CD109: variants seen among roughly 807,000 people sequenced by gnomAD.
The protein encoded by CD109 is CD109 molecule.
Under a neutral mutation model 165.8 loss-of-function variants are expected in CD109, and 149 were observed. That is an observed-to-expected ratio of 0.90 (90% CI 0.79 to 1.03). The LOEUF (loss-of-function observed/expected upper bound fraction) is 1.03. Ranked by LOEUF, CD109 falls within the 50% of genes least tolerant of loss-of-function variation. CD109 has a pLI of 0.00. For missense variants in CD109, 1,712 were observed against 1,677.8 expected, an observed-to-expected ratio of 1.02 and a Z score of -0.36; for synonymous variants, 585 against 592.1, an observed-to-expected ratio of 0.99 and a Z score of 0.18.
intron 5 of CD109, among the ~76,000 whole-genome samples, chr6:73,754,212 T>G (rs1773299737): frequency 6.6e-6 from 1 of 152,120 alleles, no homozygotes; most frequent in South Asian, 2.1e-4. Flanking sequence ...CAATCTGGGA[T>G]AGAGATAAGG....
the CD109 span, among the ~76,000 whole-genome samples, chr6:73,688,159 T>TA: frequency 6.7e-6 from 1 of 149,794 alleles, no homozygotes; most frequent in Non-Finnish European, 1.5e-5. Flanking sequence ...TTTTGTCTGG[T>TA]AGATTTTTTT....
chr6:73,726,115 G>C (rs1772132788), intron 3 of CD109, among the ~76,000 whole-genome samples: 1 of 151,124 alleles, frequency 6.6e-6, no homozygotes, highest in African/African-American at 2.4e-5. Flanking sequence ...CCTGTGAATA[G>C]AACCACCTTT....
the CD109 span, among the ~76,000 whole-genome samples, chr6:73,687,671 A>G: frequency 1.3e-5 from 2 of 152,168 alleles, no homozygotes; most frequent in Admixed American, 1.3e-4. Flanking sequence ...TCCTCTAACC[A>G]AAAGGTGGAG....
chr6:73,815,825 C>A (rs1375396298), intron 30 of CD109, among the ~76,000 whole-genome samples: 1 of 152,180 alleles, frequency 6.6e-6, no homozygotes, highest in East Asian at 1.9e-4. Context: ...TGTGAAAGTT[C>A]TTGAATAGAG....
chr6:73,819,539 C>G (rs531559490), intron 31 of CD109, among the ~76,000 whole-genome samples: 1 of 152,246 alleles, frequency 6.6e-6, no homozygotes, highest in African/African-American at 2.4e-5. Flanking sequence ...TTCAGTTTTG[C>G]TAAGTATGAA....
chr6:73,825,492 C>T lies in CD109; in HGVS notation c.*1859C>T, dbSNP rs759641230. On this transcript the variant is annotated 3_prime_UTR_variant, in exon 33 of 33. Coordinates refer to ENST00000287097, the MANE Select transcript of CD109 (RefSeq NM_133493.5). Reference sequence around the variant, plus strand: ...CCCTCCTCTTTCCTGGCCTGGGAACCTTATACTGACAATCAATACTTTATA... The same window carrying T: ...CCCTCCTCTTTCCTGGCCTGGGAACTTTATACTGACAATCAATACTTTATA... 1.3e-5 allele frequency: 2 copies of T among 152,120 alleles called. No individual in the cohort carries two copies. Among genetic ancestry groups the T allele is most frequent in the Non-Finnish European group, 2.9e-5 (2 of 68,032 alleles). 9.4% of individuals were successfully genotyped at this position (152,120 alleles called of 1,614,324 possible).
chr6:73,811,298 T>A, intron 28 of CD109, 151 bp downstream of exon 28: 1 of 909,616 alleles, frequency 1.1e-6, no homozygotes, highest in Non-Finnish European at 1.6e-6. Context: ...TTTGGCTGAA[T>A]TTGCTGAGCT....
intron 14 of CD109, 61 bp from the exon 15 acceptor site, chr6:73,771,368 A>T (rs1443709222): frequency 2.8e-6 from 4 of 1,418,740 alleles, no homozygotes; most frequent in Non-Finnish European, 3.9e-6. Flanking sequence ...GTGGTCTGCT[A>T]TTGGCAAGAA....
intron 4 of CD109, among the ~76,000 whole-genome samples, chr6:73,734,325 A>C (rs2150184416): frequency 6.6e-6 from 1 of 152,294 alleles, no homozygotes; most frequent in African/African-American, 2.4e-5. Flanking sequence ...TCACTACCAT[A>C]ATGTTTCAGT....
At chr6:73,723,667 C>A (rs1438233981) in intron 3 of CD109, among the ~76,000 whole-genome samples, 1 of 152,114 alleles carries the variant, frequency 6.6e-6, no homozygotes, top group African/African-American at 2.4e-5. Flanking sequence ...CACATGTTCT[C>A]ACTTATAAGT....
At chr6:73,815,786 A>G (rs1430783725) in intron 30 of CD109, among the ~76,000 whole-genome samples, 4 of 152,216 alleles carry the variant, frequency 2.6e-5, no homozygotes, top group Admixed American at 1.3e-4. Context: ...TGGTCATTCC[A>G]CTGCACACAG....
intron 31 of CD109, among the ~76,000 whole-genome samples, chr6:73,819,181 C>A (rs181423976): frequency 1.3e-5 from 2 of 152,322 alleles, no homozygotes; most frequent in East Asian, 3.9e-4. Context: ...TTCCATGAAG[C>A]TTTTAACAAA....
rs201136290 is a variant in CD109, at chr6:73,806,756, GA to G, written c.2961-83del. On this transcript the variant is annotated intron_variant, in intron 24 of 32. Transcript: ENST00000287097. ...CCCTTTGATGAATCTTCTGATGGGG[GA>G]AAAAGTGTTGTTGTTTTGCTTGCTC... The G allele has an allele frequency of 5.5e-3, 4,761 of 865,372 alleles. 30 individuals are homozygous for G. The highest frequency in any genetic ancestry group is 0.017 in the Admixed American group (655 of 38,412). The allele number at this position is 865,372 out of a possible 1,614,324, so 53.6% of individuals were successfully genotyped here.
Position 73,782,747 on chromosome 6 carries a change from C to G in CD109, c.2097C>G (p.Thr699=). 2 of 1,613,344 alleles carry G rather than the reference C, an allele frequency of 1.2e-6. No individual in the cohort carries two copies. The highest frequency in any genetic ancestry group is 2.7e-5 in the African/African-American group (2 of 75,010). Reference sequence around the variant, plus strand: ...CAGAGACTTGGATTTGGCTAGACACCAACATGGGGTAAAAATTTATAAAGT... The same window carrying G: ...CAGAGACTTGGATTTGGCTAGACACGAACATGGGGTAAAAATTTATAAAGT... ...HFPETWIWLD[T]NMGYRIYQEF... The change falls in exon 18 of 33, where the codon ACC becomes ACG. Residue 699 remains threonine, a synonymous_variant. Coordinates refer to ENST00000287097, the MANE Select transcript of CD109 (RefSeq NM_133493.5).
At position 73,721,138 on chromosome 6, in the gene CD109, G is replaced by C. The variant is rs1771934485; in HGVS notation, c.248-2113G>C. On this transcript the variant is annotated intron_variant, in intron 2 of 32. Transcript: ENST00000287097. ...TTTGAAACACCATGTTCAATATCCT[G>C]TTATTTAAGAGTCTTGCTCTTTGCT... Among the ~76,000 whole-genome samples the C allele has an allele frequency of 2.6e-5, 4 of 152,058 alleles. 1 individual carries two copies.
chr6:73,787,403 C>T lies in CD109; in HGVS notation c.2507C>T (p.Ala836Val), dbSNP rs144270080. The change falls in exon 21 of 33, where the codon GCT becomes GTT. Residue 836 changes from alanine to valine, a missense_variant. Transcript: ENST00000287097. ...GGAGAAATTCCTATCACAGTCACAG[C>T]TCTTTCACCCACTGCTTCTGATGCT... ...HLGEIPITVT[A>V]LSPTASDAVT... 437 of 1,614,030 alleles carry T rather than the reference C, an allele frequency of 2.7e-4. No homozygotes were observed. In the African/African-American group the frequency reaches 5.0e-3, roughly 19 times the overall value.
intron 3 of CD109, 116 bp from the exon 4 acceptor site, chr6:73,730,228 C>A (rs1772309669): frequency 2.9e-6 from 2 of 679,844 alleles, no homozygotes; most frequent in African/African-American, 1.8e-5. Flanking sequence ...AAATTTTCAA[C>A]ATCGCAGTTA....
intron 24 of CD109, among the ~76,000 whole-genome samples, chr6:73,805,568 C>G (rs550640066): frequency 6.6e-6 from 1 of 152,304 alleles, no homozygotes; most frequent in East Asian, 1.9e-4. Context: ...CAGCACAGAC[C>G]CTTTACGGGT....
intron 5 of CD109, 129 bp downstream of exon 5, chr6:73,736,637 G>A (rs1403727880): frequency 2.0e-5 from 15 of 732,752 alleles, no homozygotes; most frequent in East Asian, 5.9e-5. Context: ...CAATTTAAAC[G>A]GTTTATTTTT....
Sources: allele counts gnomAD v4.1 joint callset (sites outside exome capture counted in the v4.1 genomes callset), GRCh38; gene constraint gnomAD v4.1.1; transcripts MANE v1.5; gene names NCBI Gene and HGNC (gene_info 2026-07-23, HGNC 2026-07-21).